The following GALNTL6 variants were observed in gnomAD, a reference collection of about 807,000 sequenced individuals.
The protein encoded by GALNTL6 is polypeptide N-acetylgalactosaminyltransferase-like 6.
GALNTL6 carries 46 observed loss-of-function variants against 73.7 expected under a neutral mutation model. The ratio of observed to expected loss-of-function variants is 0.62; its 90% CI spans 0.49 to 0.80. The LOEUF (loss-of-function observed/expected upper bound fraction) is 0.80, where lower values mean the gene tolerates loss of function less well. Ranked by LOEUF, GALNTL6 falls within the 30% of genes least tolerant of loss-of-function variation. The probability of loss-of-function intolerance (pLI) is 0.00; values close to 1 mark genes in which losing one functional copy is unlikely to be tolerated. For synonymous variants in GALNTL6, 259 were observed against 263.7 expected (o/e 0.98, Z 0.17); for missense variants, 604 against 755.0 (o/e 0.80, Z 2.34).
chr4:172,535,644 TAA>T (rs1735323343), intron 5 of GALNTL6, among the ~76,000 whole-genome samples: 1 of 151,942 alleles, frequency 6.6e-6, no homozygotes, highest in Admixed American at 6.6e-5. Context: ...CAATACACAT[TAA>T]GATATGTACA....
intron 7 of GALNTL6, among the ~76,000 whole-genome samples, chr4:172,833,644 C>T (rs915415376): frequency 6.6e-6 from 1 of 152,192 alleles, no homozygotes; most frequent in East Asian, 1.9e-4. Context: ...TTTAGGTTAT[C>T]ATTCTCTCCT....
intron 5 of GALNTL6, among the ~76,000 whole-genome samples, chr4:172,677,375 C>T (rs563482516): frequency 7.2e-5 from 11 of 152,244 alleles, no homozygotes; most frequent in African/African-American, 2.4e-4. Context: ...CTACTTCTCT[C>T]GAAGCTGTCT....
chr4:172,356,755 C>A (rs559342887), intron 5 of GALNTL6, among the ~76,000 whole-genome samples: 1 of 152,222 alleles, frequency 6.6e-6, no homozygotes, highest in Admixed American at 6.5e-5. Flanking sequence ...TAAACAGCAA[C>A]TGATAAAGAT....
At chr4:172,061,961 T>TAA (rs1731214899) in intron 2 of GALNTL6, among the ~76,000 whole-genome samples, 2 of 150,308 alleles carry the variant, frequency 1.3e-5, no homozygotes, top group African/African-American at 4.9e-5. Context: ...TTTTTTTTTT[T>TAA]TTTTGAGACA....
chr4:172,770,542 A>C (rs986807434), intron 5 of GALNTL6, among the ~76,000 whole-genome samples: 8 of 152,326 alleles, frequency 5.3e-5, no homozygotes, highest in African/African-American at 1.9e-4. Context: ...AGTTAAGGGT[A>C]CACAAACAAA....
At chr4:172,369,505 G>A (rs981369672) in intron 5 of GALNTL6, among the ~76,000 whole-genome samples, 4 of 152,210 alleles carry the variant, frequency 2.6e-5, no homozygotes, top group African/African-American at 9.6e-5. Context: ...CGATGGGAGT[G>A]GGCGCCGCGG....
intron 3 of GALNTL6, among the ~76,000 whole-genome samples, chr4:172,237,015 C>T (rs1737266890): frequency 6.6e-6 from 1 of 152,182 alleles, no homozygotes; most frequent in Non-Finnish European, 1.5e-5. Flanking sequence ...TGGTCTCCAG[C>T]TCCATCCATG....
intron 2 of GALNTL6, among the ~76,000 whole-genome samples, chr4:172,146,955 A>AGAAAAATT (rs1180148686): frequency 1.3e-5 from 2 of 152,264 alleles, no homozygotes; most frequent in East Asian, 3.8e-4. Context: ...ATATATTAAT[A>AGAAAAATT]GAAAAATTAA....
chr4:172,813,998 G>A (rs1162960796), intron 7 of GALNTL6, among the ~76,000 whole-genome samples: 1 of 152,098 alleles, frequency 6.6e-6, no homozygotes, highest in Non-Finnish European at 1.5e-5. Flanking sequence ...CATAGAAAAG[G>A]AAGGCATGTT....
At chr4:172,418,479 A>G (rs1579053786) in intron 5 of GALNTL6, among the ~76,000 whole-genome samples, 1 of 152,138 alleles carries the variant, frequency 6.6e-6, no homozygotes, top group African/African-American at 2.4e-5. Flanking sequence ...CAAAACCTTC[A>G]CATATGGAGC....
At chr4:171,904,893 T>C (rs889572653) in intron 2 of GALNTL6, among the ~76,000 whole-genome samples, 1 of 152,072 alleles carries the variant, frequency 6.6e-6, no homozygotes, top group Non-Finnish European at 1.5e-5. Context: ...CCAGCCAAAC[T>C]AAGCTTCATA....
At chr4:172,371,474 AC>A (rs1742806838) in intron 5 of GALNTL6, among the ~76,000 whole-genome samples, 1 of 152,010 alleles carries the variant, frequency 6.6e-6, no homozygotes, top group Non-Finnish European at 1.5e-5. Flanking sequence ...TTTTAAATTT[AC>A]CCTGGCTTTT....
chr4:171,839,845 C>T (rs1735194341), intron 2 of GALNTL6, among the ~76,000 whole-genome samples: 1 of 152,112 alleles, frequency 6.6e-6, no homozygotes, highest in African/African-American at 2.4e-5. Flanking sequence ...GGCTCTTTAT[C>T]ATGCCTTTCA....
At chr4:171,967,248 G>A (rs537616949) in intron 2 of GALNTL6, among the ~76,000 whole-genome samples, 2 of 152,258 alleles carry the variant, frequency 1.3e-5, no homozygotes, top group Admixed American at 6.5e-5. Flanking sequence ...GTTGAGTACC[G>A]TGTTGAATGT....
At chr4:172,482,302 G>T (rs186628063) in intron 5 of GALNTL6, among the ~76,000 whole-genome samples, 3 of 152,352 alleles carry the variant, frequency 2.0e-5, no homozygotes, top group Admixed American at 2.0e-4. Context: ...GCCTCCGACA[G>T]CCCAGAGAGG....
intron 2 of GALNTL6, among the ~76,000 whole-genome samples, chr4:172,205,688 G>A (rs1736087962): frequency 6.6e-6 from 1 of 152,114 alleles, no homozygotes; most frequent in Non-Finnish European, 1.5e-5. Context: ...TGCGATGTTT[G>A]TTCTTTGCCT....
chr4:172,672,529 T>C (rs1579317745), intron 5 of GALNTL6, among the ~76,000 whole-genome samples: 1 of 152,266 alleles, frequency 6.6e-6, no homozygotes, highest in South Asian at 2.1e-4. Context: ...GCTGGCCTCA[T>C]AGAATGAGTT....
chr4:172,643,297 T>C (rs901104894), intron 5 of GALNTL6, among the ~76,000 whole-genome samples: 1 of 151,944 alleles, frequency 6.6e-6, no homozygotes, highest in East Asian at 1.9e-4. Flanking sequence ...ACAACTATGA[T>C]TTAATTAATT....
chr4:172,918,395 A>T (rs1386788962), intron 8 of GALNTL6, among the ~76,000 whole-genome samples: 1 of 152,172 alleles, frequency 6.6e-6, no homozygotes, highest in Non-Finnish European at 1.5e-5. Flanking sequence ...ATTTAAAAAA[A>T]ATAAAATAAA....
Sources: gnomAD v4.1 joint callset for allele counts (sites outside exome capture counted in the v4.1 genomes callset) on GRCh38, gnomAD v4.1.1 for gene constraint, MANE v1.5 for transcripts, NCBI Gene and HGNC (gene_info 2026-07-23, HGNC 2026-07-21) for gene names.